Variants in ULK4 observed in about 807,000 individuals in gnomAD.
ULK4 encodes inactive serine/threonine-protein kinase ULK4.
ULK4 carries 133 observed loss-of-function variants against 160.6 expected under a neutral mutation model. That is an observed-to-expected ratio of 0.83 (90% CI 0.72 to 0.96). The LOEUF (loss-of-function observed/expected upper bound fraction) is 0.96. Ranked by LOEUF, ULK4 falls within the 40% of genes least tolerant of loss-of-function variation. ULK4 has a pLI of 0.00. For missense variants in ULK4, 1,580 were observed against 1,499.5 expected (o/e 1.05, Z -0.89); for synonymous variants, 534 against 539.8 (o/e 0.99, Z 0.15).
At chr3:41,492,045 T>C (rs1183456451) in intron 32 of ULK4, among the ~76,000 whole-genome samples, 1 of 152,004 alleles carries the variant, frequency 6.6e-6, no homozygotes, top group Non-Finnish European at 1.5e-5. Context: ...TCCATGTCCC[T>C]ACAAAGGACA....
chr3:41,545,247 C>T (rs1003208694), intron 32 of ULK4, among the ~76,000 whole-genome samples: 6 of 152,090 alleles, frequency 3.9e-5, no homozygotes, highest in African/African-American at 1.2e-4. Flanking sequence ...TCATTTCTTA[C>T]GGCAAATTCG....
At chr3:41,398,792 GTTT>G (rs200925869) in intron 34 of ULK4, among the ~76,000 whole-genome samples, 1 of 151,564 alleles carries the variant, frequency 6.6e-6, no homozygotes, top group Non-Finnish European at 1.5e-5. Flanking sequence ...TTTTTAAAAA[GTTT>G]TTTTTATTAT....
intron 32 of ULK4, among the ~76,000 whole-genome samples, chr3:41,555,242 A>G (rs1433261062): frequency 1.3e-5 from 2 of 152,234 alleles, no homozygotes; most frequent in South Asian, 2.1e-4. Flanking sequence ...TAAAAATGCA[A>G]AAGTACAAAT....
At chr3:41,318,949 T>C (rs1389308373) in intron 35 of ULK4, among the ~76,000 whole-genome samples, 1 of 152,174 alleles carries the variant, frequency 6.6e-6, no homozygotes, top group African/African-American at 2.4e-5. Context: ...TAAAAAGAAC[T>C]ACGGTATGGA....
chr3:41,743,882 G>A (rs868690241), intron 22 of ULK4, among the ~76,000 whole-genome samples: 4 of 151,622 alleles, frequency 2.6e-5, no homozygotes, highest in Admixed American at 1.3e-4. Flanking sequence ...GCCAGGCACC[G>A]TGCCTGGACA....
intron 35 of ULK4, among the ~76,000 whole-genome samples, chr3:41,348,840 A>AC (rs2080855498): frequency 6.6e-6 from 1 of 152,156 alleles, no homozygotes; most frequent in African/African-American, 2.4e-5. Context: ...GTTTGGCTGC[A>AC]CCTCGCCAGA....
At chr3:41,308,017 AAAC>A (rs1221820174) in intron 35 of ULK4, among the ~76,000 whole-genome samples, 1 of 152,150 alleles carries the variant, frequency 6.6e-6, no homozygotes, top group Non-Finnish European at 1.5e-5. Context: ...AGAAACGTGA[AAAC>A]AACACATCCA....
At chr3:41,407,477 A>G (rs1192865644) in intron 34 of ULK4, among the ~76,000 whole-genome samples, 4 of 152,184 alleles carry the variant, frequency 2.6e-5, no homozygotes, top group Non-Finnish European at 5.9e-5. Flanking sequence ...AAAACCCTCA[A>G]CAAAATAGTA....
chr3:41,792,897 G>A (rs576277797), intron 20 of ULK4, among the ~76,000 whole-genome samples: 5 of 152,292 alleles, frequency 3.3e-5, no homozygotes, highest in South Asian at 2.1e-4. Flanking sequence ...GAGTATGGCC[G>A]GGCGCAGTGG....
At chr3:41,365,361 A>G (rs1158778553) in intron 35 of ULK4, among the ~76,000 whole-genome samples, 1 of 152,252 alleles carries the variant, frequency 6.6e-6, no homozygotes, top group African/African-American at 2.4e-5. Context: ...AGTCTCAAAT[A>G]ACCAGCAGAT....
At chr3:41,424,201 A>G (rs2082725684) in intron 34 of ULK4, among the ~76,000 whole-genome samples, 1 of 151,998 alleles carries the variant, frequency 6.6e-6, no homozygotes, top group South Asian at 2.1e-4. Flanking sequence ...ATCCTTCCTC[A>G]CTGGGCAGTG....
intron 21 of ULK4, among the ~76,000 whole-genome samples, chr3:41,772,265 A>G (rs1409810277): frequency 6.6e-6 from 1 of 152,226 alleles, no homozygotes; most frequent in Non-Finnish European, 1.5e-5. Flanking sequence ...CTTCAAAAAA[A>G]TCAATGAATC....
chr3:41,788,382 G>A (rs17215526), intron 21 of ULK4, among the ~76,000 whole-genome samples: 3,724 of 152,164 alleles, frequency 0.024, 58 homozygotes, highest in South Asian at 0.065. Flanking sequence ...GCAAAACTCT[G>A]AATTGAAAGG....
chr3:41,678,196 AC>A, intron 29 of ULK4, among the ~76,000 whole-genome samples: 1 of 149,878 alleles, frequency 6.7e-6, no homozygotes, highest in Non-Finnish European at 1.5e-5. Context: ...ACACACACAC[AC>A]ACACACACAC....
chr3:41,848,556 C>G (rs2042126617), intron 17 of ULK4, among the ~76,000 whole-genome samples: 1 of 152,184 alleles, frequency 6.6e-6, no homozygotes, highest in South Asian at 2.1e-4. Flanking sequence ...CACCTTTCCT[C>G]CTACAGTCTG....
intron 32 of ULK4, among the ~76,000 whole-genome samples, chr3:41,563,918 G>A (rs909176720): frequency 6.6e-6 from 1 of 152,144 alleles, no homozygotes; most frequent in Non-Finnish European, 1.5e-5. Flanking sequence ...GAGGAGTTGC[G>A]ATCCTTTGGA....
intron 17 of ULK4, among the ~76,000 whole-genome samples, chr3:41,873,382 AC>A (rs1473901306): frequency 5.3e-5 from 8 of 151,798 alleles, no homozygotes; most frequent in African/African-American, 1.7e-4. Context: ...AGCAATAACC[AC>A]CATCTCATCT....
intron 32 of ULK4, among the ~76,000 whole-genome samples, chr3:41,522,008 A>G (rs1413627545): frequency 6.6e-6 from 1 of 152,150 alleles, no homozygotes; most frequent in East Asian, 1.9e-4. Context: ...AGGATGCACA[A>G]TTCATTGTAT....
At chr3:41,788,517 T>C (rs897620297) in intron 21 of ULK4, among the ~76,000 whole-genome samples, 6 of 151,998 alleles carry the variant, frequency 3.9e-5, no homozygotes, top group African/African-American at 1.4e-4. Flanking sequence ...ACCCCGTCTC[T>C]ACTAAAAATA....
Sources: allele counts gnomAD v4.1 joint callset (sites outside exome capture counted in the v4.1 genomes callset), GRCh38; gene constraint gnomAD v4.1.1; transcripts MANE v1.5; gene names NCBI Gene and HGNC (gene_info 2026-07-23, HGNC 2026-07-21).